HDGFL3: variants seen among roughly 807,000 people sequenced by gnomAD.
The protein encoded by HDGFL3 is HDGF like 3.
A neutral mutation model predicts 27.6 loss-of-function variants in HDGFL3; 6 were observed. That is an observed-to-expected ratio of 0.22 (90% CI 0.12 to 0.43). The LOEUF (loss-of-function observed/expected upper bound fraction) is 0.43, where lower values mean the gene tolerates loss of function less well. Among genes scored for constraint, HDGFL3 ranks in the 20% least tolerant of loss-of-function variants. HDGFL3 has a pLI of 1.00. For synonymous variants in HDGFL3, 88 were observed against 88.9 expected (o/e 0.99, Z 0.05); for missense variants, 207 against 250.1 (o/e 0.83, Z 1.16).
rs1029857853 is a variant in HDGFL3 at position 83,157,566 on chromosome 15, T to C, written c.308A>G (p.Gln103Arg). The part of the protein sequence containing the change: ...GVKFTGYQAI[Q>R]QQSSSETEGE... ...CTCAGTTTCTGAAGAGCTCTGTTGC[T>C]GAATTGCCTAAGAAATAATAAAATA... The change falls in exon 4 of 6, where the codon CAG becomes CGG. Residue 103 changes from glutamine (Q) to arginine (R), a missense_variant. Gln to Arg is a conservative substitution (Grantham distance 43). Transcript: ENST00000299633. 6.2e-7 allele frequency: 1 copy of C among 1,611,340 alleles called. No homozygotes were observed. The highest frequency in any genetic ancestry group is 1.3e-5 in the African/African-American group (1 of 74,730).
chr15:83,124,477 T>C (rs1483462871), downstream of HDGFL3, among the ~76,000 whole-genome samples: 2 of 152,166 alleles, frequency 1.3e-5, no homozygotes, highest in African/African-American at 4.8e-5. Context: ...TAGCCCAAAT[T>C]CTTCATTTCA....
At chr15:83,146,219 A>T (rs1313983628) in intron 5 of HDGFL3, among the ~76,000 whole-genome samples, 1 of 152,122 alleles carries the variant, frequency 6.6e-6, no homozygotes, top group Non-Finnish European at 1.5e-5. Context: ...CACTGGGAGT[A>T]ACTGTAAATA....
chr15:83,157,304 C>G (rs1282300069), intron 4 of HDGFL3, 111 bp downstream of exon 4: 3 of 1,070,358 alleles, frequency 2.8e-6, no homozygotes, highest in African/African-American at 3.2e-5. Flanking sequence ...GGCAGAGGCT[C>G]CATAGAATTT....
Position 83,151,323 on chromosome 15 carries a change from T to C in HDGFL3, c.498A>G (p.Glu166=), listed in dbSNP as rs2036961032. ...SKQSRKSPGD[E]DDKDCKEEEN... ...CCTCTTCTTTGCAGTCTTTGTCATC[T>C]TCATCTCCTGGAGATTTCCGGGACT... The change falls in exon 5 of 6, where the codon GAA becomes GAG. Residue 166 remains glutamate, a synonymous_variant. Coordinates refer to ENST00000299633, the MANE Select transcript of HDGFL3 (RefSeq NM_016073.4). The C allele has an allele frequency of 1.2e-6, 2 of 1,613,318 alleles. No homozygotes were observed. Among genetic ancestry groups the C allele is most frequent in the Non-Finnish European group, 1.7e-6 (2 of 1,179,648 alleles).
At chr15:83,206,043 T>C (rs2037711368) in intron 1 of HDGFL3, among the ~76,000 whole-genome samples, 1 of 152,224 alleles carries the variant, frequency 6.6e-6, no homozygotes, top group Non-Finnish European at 1.5e-5. Flanking sequence ...TTGAAATGAT[T>C]AGTCCATAAC....
At chr15:83,154,422 T>C (rs887417527) in intron 4 of HDGFL3, among the ~76,000 whole-genome samples, 3 of 152,124 alleles carry the variant, frequency 2.0e-5, no homozygotes, top group Non-Finnish European at 4.4e-5. Context: ...AATGAAGTTA[T>C]GCTAGGCAAG....
intron 1 of HDGFL3, among the ~76,000 whole-genome samples, chr15:83,184,175 G>A (rs542732104): frequency 1.7e-4 from 26 of 152,226 alleles, no homozygotes; most frequent in African/African-American, 5.3e-4. Flanking sequence ...AATGATATGC[G>A]ATATCAACTT....
chr15:83,140,550 G>C (rs547921409), intron 5 of HDGFL3, among the ~76,000 whole-genome samples: 2 of 143,926 alleles, frequency 1.4e-5, no homozygotes, highest in African/African-American at 2.6e-5. Flanking sequence ...GGCGTGATGT[G>C]AGCTCACTGC....
intron 1 of HDGFL3, among the ~76,000 whole-genome samples, chr15:83,172,747 G>A (rs1051149735): frequency 6.6e-6 from 1 of 151,824 alleles, no homozygotes; most frequent in African/African-American, 2.4e-5. Context: ...CTTGAATCCA[G>A]GAGGCGGAGG....
At chr15:83,196,219 CTTAT>C (rs1163623613) in intron 1 of HDGFL3, among the ~76,000 whole-genome samples, 2 of 151,546 alleles carry the variant, frequency 1.3e-5, no homozygotes, top group African/African-American at 2.4e-5. Flanking sequence ...TATTTATTGA[CTTAT>C]TTATTAAGTC....
intron 1 of HDGFL3, among the ~76,000 whole-genome samples, chr15:83,174,535 T>C (rs1256114452): frequency 6.7e-6 from 1 of 149,568 alleles, no homozygotes; most frequent in Non-Finnish European, 1.5e-5. Flanking sequence ...CTGTATAATA[T>C]GAATTGTAGT....
chr15:83,179,869 C>T (rs1369432739), intron 1 of HDGFL3: 1 of 152,126 alleles, frequency 6.6e-6, no homozygotes, highest in Non-Finnish European at 1.5e-5. Flanking sequence ...AATAAATATC[C>T]CTTGAATGCA....
chr15:83,127,240 C>A (rs973493952), downstream of HDGFL3: 3 of 1,011,744 alleles, frequency 3.0e-6, no homozygotes, highest in East Asian at 3.0e-5. Flanking sequence ...AAAAGAGTCC[C>A]ATATAGGAAA....
intron 2 of HDGFL3, among the ~76,000 whole-genome samples, chr15:83,160,548 G>T (rs1432508092): frequency 7.5e-6 from 1 of 132,712 alleles, no homozygotes; most frequent in African/African-American, 3.1e-5. Context: ...GAAATATTTT[G>T]GGGGGGGAAC....
intron 3 of HDGFL3, among the ~76,000 whole-genome samples, chr15:83,118,230 T>TACACACAC (rs72160704): frequency 1.3e-4 from 19 of 146,350 alleles, no homozygotes; most frequent in East Asian, 2.0e-4. Context: ...TCTCTGTACG[T>TACACACAC]ACACACACAC....
At position 83,136,175 on chromosome 15, in the gene HDGFL3, G is replaced by A. The variant is rs1056526875; in HGVS notation, c.*3095C>T. 1 of 233,264 alleles carries A rather than the reference G, an allele frequency of 4.3e-6. No individual in the cohort carries two copies. The highest frequency in any genetic ancestry group is 2.2e-5 in the African/African-American group (1 of 44,528). The allele number at this position is 233,264 out of a possible 1,614,324, so 14.4% of individuals were successfully genotyped here. A position where few individuals can be genotyped will look rare whatever the true frequency, so the allele number is the denominator to read the frequency against. On this transcript the variant is annotated 3_prime_UTR_variant, in exon 6 of 6. Transcript: ENST00000299633. ...TATTCAGATTTTTCTATTAGATTGA[G>A]CCACTAATGTTCGGTAAGGGGCACT...
At chr15:83,145,025 A>C (rs1207702053) in intron 5 of HDGFL3, among the ~76,000 whole-genome samples, 1 of 151,550 alleles carries the variant, frequency 6.6e-6, no homozygotes, top group East Asian at 1.9e-4. Flanking sequence ...TCCTTCTGCT[A>C]GTGGCAGAAG....
At chr15:83,175,925 T>A (rs1471656779) in intron 1 of HDGFL3, among the ~76,000 whole-genome samples, 1 of 152,196 alleles carries the variant, frequency 6.6e-6, no homozygotes, top group Non-Finnish European at 1.5e-5. Flanking sequence ...CACCCAACAC[T>A]GGACAGATGA....
Position 83,207,501 on chromosome 15 carries a change from C to T in HDGFL3, c.-87G>A. The T allele has an allele frequency of 1.9e-6, 2 of 1,055,350 alleles. No individual in the cohort carries two copies. Among genetic ancestry groups the T allele is most frequent in the Non-Finnish European group, 2.4e-6 (2 of 821,830 alleles). 65.4% of individuals were successfully genotyped at this position (1,055,350 alleles called of 1,614,324 possible). ...CCGCGGGCCGACGAATTGCGCCGCGCTCCCCGCGGGCCTCAAGCCGGGCGG... is the reference window on the plus strand; with the variant it reads ...CCGCGGGCCGACGAATTGCGCCGCGTTCCCCGCGGGCCTCAAGCCGGGCGG... On this transcript the variant is annotated 5_prime_UTR_variant, in exon 1 of 6. Transcript: ENST00000299633. This position sits in a 1 kb window ranked among gnomAD's most constrained non-coding sequence, Gnocchi z 4.8.
Sources: allele counts gnomAD v4.1 joint callset (sites outside exome capture counted in the v4.1 genomes callset), GRCh38; gene constraint gnomAD v4.1.1; non-coding constraint Gnocchi (gnomAD v3.1); transcripts MANE v1.5; gene names NCBI Gene and HGNC (gene_info 2026-07-23, HGNC 2026-07-21).